LMO3: variants seen among roughly 807,000 people sequenced by gnomAD.
The protein encoded by LMO3 is LIM domain only protein 3.
In LMO3, 2 loss-of-function variants were observed where a neutral mutation model predicts 15.8. The ratio of observed to expected loss-of-function variants is 0.13; its 90% CI spans 0.05 to 0.40. The LOEUF (loss-of-function observed/expected upper bound fraction) is 0.40. Among genes scored for constraint, LMO3 ranks in the 10% least tolerant of loss-of-function variants. The pLI, the probability that LMO3 is intolerant of heterozygous loss-of-function variation, is 0.99. For missense variants in LMO3, 86 were observed against 182.2 expected (o/e 0.47, Z 3.04); for synonymous variants, 62 against 63.8 (o/e 0.97, Z 0.13).
At chr12:16,553,177 A>G (rs539773320) in intron 3 of LMO3, among the ~76,000 whole-genome samples, 33 of 152,262 alleles carry the variant, frequency 2.2e-4, no homozygotes, top group African/African-American at 7.9e-4. Flanking sequence ...AAGCATTGTC[A>G]TGGCTTTTTA....
In LMO3 at chr12:16,584,778, T is replaced by C. The variant is rs907348839; in HGVS notation, c.206+15877A>G. ...CCTCACAAAGCAGTGCCAAGACTCC[T>C]TGTTAGGCTGAAAGCTCCCAGGAGA... On this transcript the variant is annotated intron_variant, in intron 2 of 3. Transcript: ENST00000537304. The surrounding 1 kb of genome is among the most constrained non-coding windows in gnomAD (Gnocchi z 5.2). Among the ~76,000 whole-genome samples, 5 of 152,192 alleles carry C rather than the reference T, an allele frequency of 3.3e-5. No individual in the cohort carries two copies. Among genetic ancestry groups the C allele is most frequent in the Admixed American group, 6.5e-5 (1 of 15,278 alleles).
chr12:16,590,518 C>G (rs1943460439), intron 2 of LMO3, among the ~76,000 whole-genome samples: 1 of 151,910 alleles, frequency 6.6e-6, no homozygotes, highest in South Asian at 2.1e-4. Flanking sequence ...TATCACCCCT[C>G]AGACCTAGAA....
At chr12:16,594,338 A>C in intron 2 of LMO3, 1 of 1,364,420 alleles carries the variant, frequency 7.3e-7, no homozygotes, top group Non-Finnish European at 9.6e-7. Flanking sequence ...AATTAAACTA[A>C]AAAATAAAAA....
rs375491907 is a variant in LMO3 at position 16,604,904 on chromosome 12, G to C, written c.-9+1162C>G. The C allele has an allele frequency of 6.3e-7, 1 of 1,598,432 alleles. No individual in the cohort carries two copies. The highest frequency in any genetic ancestry group is 8.5e-7 in the Non-Finnish European group (1 of 1,179,800). ...TTTTTCTGCATGAGTTGACTTAGGC[G>C]TGTCTGAGTTGCAGCAGCTTCGCAT... On this transcript the variant is annotated intron_variant, in intron 1 of 3. Transcript: ENST00000537304. This position sits in a 1 kb window ranked among gnomAD's most constrained non-coding sequence, Gnocchi z 5.3.
At chr12:16,552,816 G>A (rs1200522838) in intron 3 of LMO3, among the ~76,000 whole-genome samples, 1 of 151,986 alleles carries the variant, frequency 6.6e-6, no homozygotes, top group African/African-American at 2.4e-5. Context: ...TGTATTAGTT[G>A]TAACCTGTAT....
At position 16,597,150 on chromosome 12, in the gene LMO3, A is replaced by C. The variant is rs916958721; in HGVS notation, c.206+3505T>G. Reference sequence around the variant, plus strand: ...ATGTACATTTTATGTTCCACAGCTAAATGAATGATATGCCAGTCCAGTTCT... The same window carrying C: ...ATGTACATTTTATGTTCCACAGCTACATGAATGATATGCCAGTCCAGTTCT... On this transcript the variant is annotated intron_variant, in intron 2 of 3. Transcript: ENST00000537304. This position sits in a 1 kb window ranked among gnomAD's most constrained non-coding sequence, Gnocchi z 5.0. Among the ~76,000 whole-genome samples the C allele has an allele frequency of 3.3e-5, 5 of 151,736 alleles. No individual in the cohort carries two copies. The highest frequency in any genetic ancestry group is 1.2e-4 in the African/African-American group (5 of 41,396).
chr12:16,552,960 A>C (rs1942047183), intron 3 of LMO3, among the ~76,000 whole-genome samples: 2 of 152,184 alleles, frequency 1.3e-5, no homozygotes, highest in South Asian at 4.1e-4. Context: ...CACTTATGAT[A>C]ATTGAAAATA....
chr12:16,594,101 G>C, intron 2 of LMO3: 1 of 1,527,044 alleles, frequency 6.5e-7, no homozygotes, highest in Non-Finnish European at 8.8e-7. Context: ...ATTAGCTGGC[G>C]TCAGGTGTTT....
At position 16,599,827 on chromosome 12, in the gene LMO3, G is replaced by A. The variant is rs1213608677; in HGVS notation, c.206+828C>T. ...CATAGCTCCATAACCAAGAACACCT[G>A]CCTTGTCCTGAAAGCATTCAGATGT... On this transcript the variant is annotated intron_variant, in intron 2 of 3. Coordinates refer to ENST00000537304, the MANE Select transcript of LMO3 (RefSeq NM_018640.5). This position sits in a 1 kb window ranked among gnomAD's most constrained non-coding sequence, Gnocchi z 4.1. The A allele has an allele frequency of 6.6e-6, 1 of 152,084 alleles. No homozygotes were observed. Among genetic ancestry groups the A allele is most frequent in the East Asian group, 1.9e-4 (1 of 5,178 alleles). 9.4% of individuals were successfully genotyped at this position (152,084 alleles called of 1,614,324 possible).
intron 2 of LMO3, among the ~76,000 whole-genome samples, chr12:16,590,844 C>T (rs1000321476): frequency 5.3e-5 from 8 of 152,004 alleles, no homozygotes; most frequent in African/African-American, 1.9e-4. Flanking sequence ...GGCAACAGAT[C>T]ATCACGTGAC....
At chr12:16,579,081 T>G (rs2137519191) in intron 2 of LMO3, among the ~76,000 whole-genome samples, 1 of 152,308 alleles carries the variant, frequency 6.6e-6, no homozygotes, top group Non-Finnish European at 1.5e-5. Flanking sequence ...AGAGCTTAGT[T>G]TTTTAAAAAG....
intron 2 of LMO3, among the ~76,000 whole-genome samples, chr12:16,588,743 C>T (rs1243295549): frequency 1.3e-5 from 2 of 152,086 alleles, no homozygotes; most frequent in Admixed American, 6.6e-5. Context: ...CCTTTGCACA[C>T]GAAAAGTTGG....
intron 2 of LMO3, among the ~76,000 whole-genome samples, chr12:16,570,967 G>C (rs1942792802): frequency 6.6e-6 from 1 of 152,012 alleles, no homozygotes; most frequent in Non-Finnish European, 1.5e-5. Context: ...TTATCAGCAT[G>C]GCACATGTAT....
chr12:16,587,525 T>G lies in LMO3; in HGVS notation c.206+13130A>C, dbSNP rs1175015684. 6.6e-6 allele frequency among the ~76,000 whole-genome samples: 1 copy of G among 152,154 alleles called. No individual in the cohort carries two copies. Among genetic ancestry groups the G allele is most frequent in the Non-Finnish European group, 1.5e-5 (1 of 68,014 alleles). On this transcript the variant is annotated intron_variant, in intron 2 of 3. Transcript: ENST00000537304. The surrounding 1 kb of genome is among the most constrained non-coding windows in gnomAD (Gnocchi z 4.3). The stretch of plus-strand genomic sequence containing the variant: ...TGTGCCTCTTTTTTAAATAAACCCC[T>G]GGCCTTGAGTTTTGGCCCCTTAATA...
At position 16,550,085 on chromosome 12, in the gene LMO3, C is replaced by T. The variant is rs1358963370; in HGVS notation, c.*1137G>A. On this transcript the variant is annotated 3_prime_UTR_variant, in exon 4 of 4. Transcript: ENST00000537304. ...GCATTTTATCAATCCCTTTGTTTCT[C>T]TTCTTCTAGAAGATTCTATGAGCAT... 4.6e-5 allele frequency: 7 copies of T among 151,986 alleles called. No homozygotes were observed. The highest frequency in any genetic ancestry group is 2.0e-4 in the Admixed American group (3 of 15,256). 9.4% of individuals were successfully genotyped at this position (151,986 alleles called of 1,614,324 possible).
At chr12:16,590,729 A>G (rs1426299302) in intron 2 of LMO3, among the ~76,000 whole-genome samples, 1 of 152,092 alleles carries the variant, frequency 6.6e-6, no homozygotes, top group Non-Finnish European at 1.5e-5. Context: ...TGAATTTCAC[A>G]TTGAAATACT....
rs1191603131 is a variant in LMO3 at position 16,576,291 on chromosome 12, T to TG, written c.207-15754_207-15753insC. Among the ~76,000 whole-genome samples, 1 of 152,144 alleles carries TG rather than the reference T, an allele frequency of 6.6e-6. No individual in the cohort carries two copies. Among genetic ancestry groups the TG allele is most frequent in the African/African-American group, 2.4e-5 (1 of 41,436 alleles). ...GCATGAAAGGTCCATCCTGTCTGTC[T>TG]TCTTTTCTGTCTTCTATCCCATCAC... On this transcript the variant is annotated intron_variant, in intron 2 of 3. Transcript: ENST00000537304. This position sits in a 1 kb window ranked among gnomAD's most constrained non-coding sequence, Gnocchi z 4.1.
Position 16,576,800 on chromosome 12 carries a change from T to C in LMO3, c.207-16262A>G, listed in dbSNP as rs534633112. ...GACCCCTAGATTAGTACCATCTATT[T>C]TTAAATACCATTTTAAATTCAGTGT... On this transcript the variant is annotated intron_variant, in intron 2 of 3. Transcript: ENST00000537304. This position sits in a 1 kb window ranked among gnomAD's most constrained non-coding sequence, Gnocchi z 4.1. 2.0e-5 allele frequency among the ~76,000 whole-genome samples: 3 copies of C among 152,358 alleles called. No individual in the cohort carries two copies. The South Asian group carries it at 6.2e-4, about 32-fold the overall frequency.
intron 3 of LMO3, among the ~76,000 whole-genome samples, chr12:16,553,335 A>G (rs1942064772): frequency 1.3e-5 from 2 of 152,156 alleles, no homozygotes; most frequent in Non-Finnish European, 2.9e-5. Flanking sequence ...TAAAGCATGC[A>G]GGCTACAAGA....
Sources: allele counts gnomAD v4.1 joint callset (sites outside exome capture counted in the v4.1 genomes callset), GRCh38; gene constraint gnomAD v4.1.1; non-coding constraint Gnocchi (gnomAD v3.1); transcripts MANE v1.5; gene names NCBI Gene and HGNC (gene_info 2026-07-23, HGNC 2026-07-21).